Variants in RERE observed in about 807,000 individuals in gnomAD.
The protein encoded by RERE is arginine-glutamic acid dipeptide repeats, also known as arginine-glutamic acid dipeptide repeats protein.
A neutral mutation model predicts 146.1 loss-of-function variants in RERE; 40 were observed. The ratio of observed to expected loss-of-function variants is 0.27; its 90% confidence interval spans 0.21 to 0.36. The LOEUF (loss-of-function observed/expected upper bound fraction) is 0.36. Ranked by LOEUF, RERE falls within the 10% of genes least tolerant of loss-of-function variation. The pLI is 1.00. For missense variants in RERE, 1,933 were observed against 2,138.7 expected (o/e 0.90, Z 1.90); for synonymous variants, 1,003 against 866.0 (o/e 1.16, Z -2.78).
chr1:8,409,388 G>A (rs1263903989), intron 12 of RERE, among the ~76,000 whole-genome samples: 1 of 152,232 alleles, frequency 6.6e-6, no homozygotes, highest in African/African-American at 2.4e-5. Flanking sequence ...AGGCAGCAGA[G>A]AGAAAAGGAG....
intron 10 of RERE, among the ~76,000 whole-genome samples, chr1:8,489,501 T>C (rs565901507): frequency 6.6e-6 from 1 of 151,730 alleles, no homozygotes; most frequent in Admixed American, 6.6e-5. Flanking sequence ...GTAAAACAAA[T>C]TTTTTTAAGT....
chr1:8,611,475 G>A (rs903236634), intron 4 of RERE, among the ~76,000 whole-genome samples: 13 of 152,140 alleles, frequency 8.5e-5, no homozygotes, highest in African/African-American at 2.9e-4. Flanking sequence ...CTGCACTCCA[G>A]CCTGCATGAC....
intron 4 of RERE, among the ~76,000 whole-genome samples, chr1:8,591,039 A>G (rs780414464): frequency 2.0e-5 from 3 of 152,198 alleles, no homozygotes; most frequent in Non-Finnish European, 4.4e-5. Context: ...AACTGAGCAC[A>G]AGCTTCCCAA....
chr1:8,660,587 C>A (rs1327948808), intron 1 of RERE, among the ~76,000 whole-genome samples: 4 of 152,206 alleles, frequency 2.6e-5, no homozygotes, highest in African/African-American at 9.6e-5. Context: ...TGTCTCAGAG[C>A]TCAACCCTAT....
At chr1:8,412,420 T>C (rs1026380513) in intron 12 of RERE, among the ~76,000 whole-genome samples, 9 of 152,178 alleles carry the variant, frequency 5.9e-5, no homozygotes, top group African/African-American at 1.7e-4. Context: ...TCAACAGTCA[T>C]AGGAAGCTTA....
rs1644564787 is a variant in RERE at position 8,464,165 on chromosome 1, A to T, written c.1203+1760T>A. ...AGATTTTTATGGTTTTGTTTGTTTT[A>T]AAACAGCTTCATGAACTCTGTAAGT... On this transcript the variant is annotated intron_variant, in intron 11 of 22. Coordinates refer to ENST00000400908, the MANE Select transcript of RERE (RefSeq NM_001042681.2). Among the ~76,000 whole-genome samples the T allele has an allele frequency of 2.0e-5, 3 of 152,180 alleles. 1 individual carries two copies. In the South Asian group the frequency reaches 6.2e-4, roughly 32 times the overall value.
intron 1 of RERE, among the ~76,000 whole-genome samples, chr1:8,809,727 CTAATTT>C (rs527394356): frequency 7.9e-4 from 121 of 152,252 alleles, no homozygotes; most frequent in African/African-American, 2.9e-3. Context: ...CAGAATACAT[CTAATTT>C]TAAGTGTGAA....
At chr1:8,441,841 CAA>C (rs1314346852) in intron 11 of RERE, among the ~76,000 whole-genome samples, 2 of 151,862 alleles carry the variant, frequency 1.3e-5, no homozygotes, top group Non-Finnish European at 2.9e-5. Context: ...TTGTTTTCAT[CAA>C]CTGTGCTCTA....
intron 10 of RERE, among the ~76,000 whole-genome samples, chr1:8,473,075 G>A (rs1321074): frequency 1.3e-5 from 2 of 152,148 alleles, no homozygotes; most frequent in Non-Finnish European, 2.9e-5. Context: ...TTCCATCTCA[G>A]AACTATGCCT....
chr1:8,627,836 A>C (rs1646993134), intron 2 of RERE, among the ~76,000 whole-genome samples: 1 of 152,196 alleles, frequency 6.6e-6, no homozygotes, highest in African/African-American at 2.4e-5. Context: ...CATTCAAGAA[A>C]AGTGCCTGTA....
chr1:8,735,745 T>C (rs1018647592), intron 1 of RERE, among the ~76,000 whole-genome samples: 15 of 152,102 alleles, frequency 9.9e-5, no homozygotes, highest in African/African-American at 3.1e-4. Flanking sequence ...GTCGTTTAAA[T>C]TGTATAGCAC....
At chr1:8,395,474 CAAAA>C (rs36088351) in intron 12 of RERE, among the ~76,000 whole-genome samples, 3 of 110,208 alleles carry the variant, frequency 2.7e-5, no homozygotes. Flanking sequence ...GGCTCTGTCT[CAAAA>C]AAAAAAAAAA....
chr1:8,727,795 T>C (rs1640001892), intron 1 of RERE, among the ~76,000 whole-genome samples: 1 of 152,096 alleles, frequency 6.6e-6, no homozygotes, highest in African/African-American at 2.4e-5. Context: ...CCCGGCCAAT[T>C]ACCCACTATT....
At chr1:8,564,826 A>ATGTGTGTGTGTGTGTGTGTGTGTGTG in intron 4 of RERE, among the ~76,000 whole-genome samples, 1 of 117,938 alleles carries the variant, frequency 8.5e-6, no homozygotes, top group African/African-American at 3.5e-5. Context: ...GTGTGTGTAT[A>ATGTGTGTGTGTGTGTGTGTGTGTGTG]TGTGTATGTG....
intron 10 of RERE, among the ~76,000 whole-genome samples, chr1:8,471,915 G>A (rs1181645529): frequency 6.6e-6 from 1 of 152,150 alleles, no homozygotes; most frequent in Non-Finnish European, 1.5e-5. Flanking sequence ...GGATTCATGT[G>A]ATTCTTCTGC....
intron 8 of RERE, among the ~76,000 whole-genome samples, chr1:8,503,102 A>AT (rs1645202017): frequency 6.9e-6 from 1 of 145,510 alleles, no homozygotes; most frequent in Admixed American, 6.8e-5. Flanking sequence ...AAATAAATAA[A>AT]TAAATAAATA....
intron 1 of RERE, among the ~76,000 whole-genome samples, chr1:8,738,001 A>G (rs1305466885): frequency 6.6e-6 from 1 of 152,260 alleles, no homozygotes; most frequent in Non-Finnish European, 1.5e-5. Flanking sequence ...ATAAGGATGC[A>G]GAATAAACAG....
intron 1 of RERE, among the ~76,000 whole-genome samples, chr1:8,744,621 T>C (rs1640383215): frequency 6.6e-6 from 1 of 152,150 alleles, no homozygotes; most frequent in Non-Finnish European, 1.5e-5. Context: ...TCTAAATAGC[T>C]CATAATATGG....
chr1:8,557,086 G>A (rs984352479), intron 5 of RERE, among the ~76,000 whole-genome samples: 1 of 151,888 alleles, frequency 6.6e-6, no homozygotes, highest in African/African-American at 2.4e-5. Context: ...CTTCCAAGCT[G>A]TTTTTCATTG....
Sources: gnomAD v4.1 joint callset for allele counts (sites outside exome capture counted in the v4.1 genomes callset) on GRCh38, gnomAD v4.1.1 for gene constraint, MANE v1.5 for transcripts, NCBI Gene and HGNC (gene_info 2026-07-23, HGNC 2026-07-21) for gene names.